Variants in TRAP1 observed in about 807,000 individuals in gnomAD.
TRAP1 encodes the protein heat shock protein 75 kDa, mitochondrial.
TRAP1 carries 102 observed loss-of-function variants against 89.1 expected under a neutral mutation model. The ratio of observed to expected loss-of-function variants is 1.15; its 90% CI spans 0.98 to 1.35. The LOEUF is 1.35. TRAP1 is among the 40% of genes most tolerant of loss of function. The probability of loss-of-function intolerance (pLI) is 0.00; values close to 1 mark genes in which losing one functional copy is unlikely to be tolerated. For synonymous variants in TRAP1, 508 were observed against 388.0 expected, an observed-to-expected ratio of 1.31 and a Z score of -3.64; for missense variants, 1,256 against 945.3, an observed-to-expected ratio of 1.33 and a Z score of -4.31.
In TRAP1 at chr16:3,710,879, A is replaced by ATATATATATATAT. The variant is rs71133652; in HGVS notation, c.88+6541_88+6542insATATATATATATA. Among the ~76,000 whole-genome samples, 24 of 125,794 alleles carry ATATATATATATAT rather than the reference A, an allele frequency of 1.9e-4. No homozygotes were observed. In the East Asian group the frequency reaches 4.3e-3, roughly 23 times the overall value. The allele number at this position is 125,794 out of a possible 152,430, so 82.5% of individuals were successfully genotyped here. On this transcript the variant is annotated intron_variant, in intron 1 of 17. Transcript: ENST00000246957. ...TGTGTATATATATATATATATATAT[A>ATATATATATATAT]TTTTTTTTTTTGAGACACTGTCACT...
At chr16:3,697,640 G>A (rs1246845694) in intron 1 of TRAP1, among the ~76,000 whole-genome samples, 1 of 148,164 alleles carries the variant, frequency 6.7e-6, no homozygotes, top group Non-Finnish European at 1.5e-5. Context: ...CTCCACCCTG[G>A]GCAACAGAGC....
chr16:3,703,557 C>T (rs2051397995), intron 1 of TRAP1, among the ~76,000 whole-genome samples: 1 of 151,990 alleles, frequency 6.6e-6, no homozygotes, highest in Non-Finnish European at 1.5e-5. Context: ...CAGATCTCTG[C>T]AAGGACACCC....
At position 3,671,672 on chromosome 16, in the gene TRAP1, G is replaced by T. The variant is rs745431961; in HGVS notation, c.1235+50C>A. The T allele has an allele frequency of 1.8e-5, 29 of 1,589,186 alleles. No individual in the cohort carries two copies. The South Asian group carries it at 3.1e-4, about 17-fold the overall frequency. ...GGGCCCTCTGGGGGCAAAGGAGCAGGTAGGGGCCTTGTCCCCAGCAGGGTC... is the reference window on the plus strand; with the variant it reads ...GGGCCCTCTGGGGGCAAAGGAGCAGTTAGGGGCCTTGTCCCCAGCAGGGTC... On this transcript the variant is annotated intron_variant, in intron 11 of 17. Coordinates refer to ENST00000246957, the MANE Select transcript of TRAP1 (RefSeq NM_016292.3).
chr16:3,664,630 C>T, intron 12 of TRAP1, 171 bp from the exon 13 acceptor site: 1 of 661,164 alleles, frequency 1.5e-6, no homozygotes, highest in Non-Finnish European at 2.4e-6. Flanking sequence ...CCTTGCTCTG[C>T]CCATCAGGCC....
chr16:3,674,219 C>G (rs895359750), intron 9 of TRAP1, 120 bp downstream of exon 9: 12 of 1,358,822 alleles, frequency 8.8e-6, no homozygotes, highest in Middle Eastern at 2.2e-4. Context: ...CCACACCCAG[C>G]ACTACCTATG....
chr16:3,668,741 A>C (rs2050871173), intron 11 of TRAP1, among the ~76,000 whole-genome samples: 1 of 152,224 alleles, frequency 6.6e-6, no homozygotes, highest in Non-Finnish European at 1.5e-5. Flanking sequence ...ACAGCCAGGA[A>C]TGCAGCTCCC....
intron 1 of TRAP1, among the ~76,000 whole-genome samples, chr16:3,715,869 A>G (rs573299253): frequency 1.3e-5 from 2 of 152,260 alleles, no homozygotes; most frequent in East Asian, 3.9e-4. Flanking sequence ...AATTATTATT[A>G]TTTTTGTTGT....
intron 1 of TRAP1, among the ~76,000 whole-genome samples, chr16:3,710,892 A>ATTTTTTTTT (rs2051522290): frequency 9.0e-6 from 1 of 110,688 alleles, no homozygotes; most frequent in African/African-American, 5.2e-5. Context: ...TTTTTTTTTG[A>ATTTTTTTTT]GACACTGTCA....
Position 3,663,579 on chromosome 16 carries a change from G to A in TRAP1, c.1570-17C>T, listed in dbSNP as rs758163043. ...GAAGAGAACCTGCAGGTGGCCAAGA[G>A]CAGCTCCATCAGACCCCGGGGGCCT... On this transcript the variant is annotated splice_polypyrimidine_tract_variant and intron_variant, in intron 13 of 17. Transcript: ENST00000246957. The A allele has an allele frequency of 6.8e-6, 11 of 1,613,286 alleles. No individual in the cohort carries two copies. The highest frequency in any genetic ancestry group is 9.3e-6 in the Non-Finnish European group (11 of 1,179,840).
At chr16:3,711,032 GA>G (rs147569014) in intron 1 of TRAP1, among the ~76,000 whole-genome samples, 3,292 of 133,846 alleles carry the variant, frequency 0.025, 58 homozygotes, top group South Asian at 0.053. Context: ...CAGCTAATTG[GA>G]AAAAAAAAAA....
In TRAP1 at chr16:3,701,716, G is replaced by A. The variant is rs78440345; in HGVS notation, c.89-10731C>T. On this transcript the variant is annotated intron_variant, in intron 1 of 17. Coordinates refer to ENST00000246957, the MANE Select transcript of TRAP1 (RefSeq NM_016292.3). ...AGTGAGTAACAGAACACAGAGAAGGGTGCGTCCCTGAGGGAATATGTACAT... is the reference window on the plus strand; with the variant it reads ...AGTGAGTAACAGAACACAGAGAAGGATGCGTCCCTGAGGGAATATGTACAT... Among the ~76,000 whole-genome samples the A allele has an allele frequency of 1.4e-3, 206 of 152,186 alleles. 1 individual carries two copies. The East Asian group carries it at 0.02, about 15-fold the overall frequency.
intron 1 of TRAP1, among the ~76,000 whole-genome samples, chr16:3,700,263 G>C (rs971453143): frequency 6.7e-6 from 1 of 149,580 alleles, no homozygotes; most frequent in African/African-American, 2.5e-5. Context: ...CTCCTCCCGG[G>C]TTCAAGCGAT....
chr16:3,687,880 A>G (rs2051158631), intron 3 of TRAP1, among the ~76,000 whole-genome samples: 1 of 151,220 alleles, frequency 6.6e-6, no homozygotes, highest in Non-Finnish European at 1.5e-5. Flanking sequence ...AAAAAAAACA[A>G]AAACCCACAC....
At chr16:3,669,849 A>T (rs2050887832) in intron 11 of TRAP1, among the ~76,000 whole-genome samples, 1 of 150,002 alleles carries the variant, frequency 6.7e-6, no homozygotes, top group Non-Finnish European at 1.5e-5. Flanking sequence ...AAAAAAAAAA[A>T]AAAAAAAAAA....
At position 3,673,342 on chromosome 16, in the gene TRAP1, G is replaced by A. The variant is rs181894687; in HGVS notation, c.1045-522C>T. Among the ~76,000 whole-genome samples, 13 of 152,310 alleles carry A rather than the reference G, an allele frequency of 8.5e-5. No homozygotes were observed. In the East Asian group the frequency reaches 2.1e-3, roughly 25 times the overall value. On this transcript the variant is annotated intron_variant, in intron 9 of 17. Transcript: ENST00000246957. ...GCAGGGCAGTGCTGCTTCCTCACCCGGCAGGGTTAGTGGCTACGAAAGACA... is the reference window on the plus strand; with the variant it reads ...GCAGGGCAGTGCTGCTTCCTCACCCAGCAGGGTTAGTGGCTACGAAAGACA...
chr16:3,710,879 A>ATATATATATATTT lies in TRAP1; in HGVS notation c.88+6541_88+6542insAAATATATATATA, dbSNP rs71133652. Among the ~76,000 whole-genome samples, 79 of 125,768 alleles carry ATATATATATATTT rather than the reference A, an allele frequency of 6.3e-4. 1 individual carries two copies. In the East Asian group the frequency reaches 0.011, roughly 17 times the overall value. The allele number at this position is 125,768 out of a possible 152,430, so 82.5% of individuals were successfully genotyped here. A position where few individuals can be genotyped will look rare whatever the true frequency, so the allele number is the denominator to read the frequency against. On this transcript the variant is annotated intron_variant, in intron 1 of 17. Coordinates refer to ENST00000246957, the MANE Select transcript of TRAP1 (RefSeq NM_016292.3). Reference sequence around the variant, plus strand: ...TGTGTATATATATATATATATATATATTTTTTTTTTTGAGACACTGTCACT... The same window carrying ATATATATATATTT: ...TGTGTATATATATATATATATATATATATATATATATTTTTTTTTTTTTTGAGACACTGTCACT...
At chr16:3,695,798 G>A (rs2051279208) in intron 1 of TRAP1, among the ~76,000 whole-genome samples, 1 of 152,128 alleles carries the variant, frequency 6.6e-6, no homozygotes, top group Admixed American at 6.6e-5. Context: ...GCAGGTCTGA[G>A]CCCGATTTAC....
At chr16:3,675,459 C>T in intron 7 of TRAP1, 62 bp from the exon 8 acceptor site, 1 of 1,531,138 alleles carries the variant, frequency 6.5e-7, no homozygotes, top group Non-Finnish European at 9.0e-7. Context: ...GCAAGCTTTG[C>T]AGCAGCTCCA....
At chr16:3,662,559 T>G in intron 15 of TRAP1, 2 of 570,786 alleles carry the variant, frequency 3.5e-6, no homozygotes. Context: ...GCATGTGAGC[T>G]CCTGAGGGCT....
Sources: gnomAD v4.1 joint callset for allele counts (sites outside exome capture counted in the v4.1 genomes callset) on GRCh38, gnomAD v4.1.1 for gene constraint, MANE v1.5 for transcripts, NCBI Gene and HGNC (gene_info 2026-07-23, HGNC 2026-07-21) for gene names.